Variants in SLC49A4 observed in about 807,000 individuals in gnomAD.
SLC49A4 encodes the protein solute carrier family 49 member 4.
A neutral mutation model predicts 50.6 loss-of-function variants in SLC49A4; 36 were observed. That is an observed-to-expected ratio of 0.71 (90% CI 0.55 to 0.94). The LOEUF is 0.94. SLC49A4 is among the 40% of genes least tolerant of loss of function. SLC49A4 has a pLI of 0.00. For synonymous variants in SLC49A4, 248 were observed against 241.2 expected, an observed-to-expected ratio of 1.03 and a Z score of -0.26; for missense variants, 503 against 605.7, an observed-to-expected ratio of 0.83 and a Z score of 1.78.
At chr3:122,874,133 T>C (rs184379073) in intron 8 of SLC49A4, among the ~76,000 whole-genome samples, 1 of 152,372 alleles carries the variant, frequency 6.6e-6, no homozygotes, top group East Asian at 1.9e-4. Flanking sequence ...AAACACATTT[T>C]TGTTGATCAG....
chr3:122,862,483 T>G (rs75436330), intron 7 of SLC49A4, among the ~76,000 whole-genome samples: 7,661 of 152,238 alleles, frequency 0.05, 262 homozygotes, highest in Middle Eastern at 0.11. Flanking sequence ...TACATTGGAG[T>G]TTTGAACAAT....
intron 2 of SLC49A4, among the ~76,000 whole-genome samples, chr3:122,824,550 G>GCTTCT (rs754358705): frequency 1.4e-4 from 22 of 151,914 alleles, no homozygotes; most frequent in East Asian, 1.4e-3. Context: ...GCTTCACTTT[G>GCTTCT]CTTCTCTTCT....
intron 2 of SLC49A4, among the ~76,000 whole-genome samples, chr3:122,810,649 T>C (rs1042630339): frequency 6.6e-6 from 1 of 152,256 alleles, no homozygotes; most frequent in Non-Finnish European, 1.5e-5. Flanking sequence ...TAGGTAAACA[T>C]GTGCAACACA....
intron 4 of SLC49A4, 110 bp downstream of exon 4, chr3:122,833,556 T>TTGC: frequency 1.1e-6 from 1 of 942,480 alleles, no homozygotes; most frequent in Non-Finnish European, 1.5e-6. Flanking sequence ...ATTAATTAGG[T>TTGC]TGTAAGTAAT....
chr3:122,850,891 C>T (rs556366224), intron 5 of SLC49A4, among the ~76,000 whole-genome samples: 12 of 152,198 alleles, frequency 7.9e-5, no homozygotes, highest in African/African-American at 2.9e-4. Context: ...TTATTTTGTT[C>T]AGCCCTGTCT....
chr3:122,848,522 A>G (rs1314669119), intron 5 of SLC49A4, among the ~76,000 whole-genome samples: 1 of 152,190 alleles, frequency 6.6e-6, no homozygotes, highest in Non-Finnish European at 1.5e-5. Flanking sequence ...AACCATGATC[A>G]TTATATTTCT....
intron 7 of SLC49A4, among the ~76,000 whole-genome samples, chr3:122,870,824 A>T (rs971426183): frequency 3.1e-5 from 4 of 130,066 alleles, no homozygotes; most frequent in African/African-American, 1.1e-4. Context: ...AACAATAATA[A>T]TAATAATAAT....
intron 1 of SLC49A4, among the ~76,000 whole-genome samples, chr3:122,805,436 A>G (rs565908141): frequency 3.2e-4 from 49 of 152,174 alleles, no homozygotes; most frequent in Admixed American, 1.2e-3. Flanking sequence ...TTGACTTTCA[A>G]TTTTCTTCAA....
chr3:122,854,262 CTTCATG>C (rs1403959551), intron 5 of SLC49A4, among the ~76,000 whole-genome samples: 1 of 152,194 alleles, frequency 6.6e-6, no homozygotes, highest in Non-Finnish European at 1.5e-5. Flanking sequence ...TCCTGAGAGC[CTTCATG>C]TTTGCTTCTG....
intron 2 of SLC49A4, among the ~76,000 whole-genome samples, chr3:122,816,301 C>T (rs768994619): frequency 2.0e-5 from 3 of 152,168 alleles, no homozygotes; most frequent in Non-Finnish European, 4.4e-5. Flanking sequence ...CTTAGCAGAG[C>T]TCTTGTCCCT....
intron 3 of SLC49A4, among the ~76,000 whole-genome samples, chr3:122,831,525 A>G (rs1344920057): frequency 1.3e-5 from 2 of 152,168 alleles, no homozygotes; most frequent in African/African-American, 2.4e-5. Context: ...AAAAGACCAC[A>G]TATTATATGA....
At chr3:122,795,563 G>T (rs1189248538) in intron 1 of SLC49A4, 28 bp downstream of exon 1, 1 of 1,568,482 alleles carries the variant, frequency 6.4e-7, no homozygotes, top group Non-Finnish European at 8.6e-7. Flanking sequence ...GCCAGCCCGC[G>T]CTGTCTCTCC....
In SLC49A4 at chr3:122,821,956, T is replaced by G. The variant is rs151195707; in HGVS notation, c.438-4844T>G. Among the ~76,000 whole-genome samples, 1,080 of 152,274 alleles carry G rather than the reference T, an allele frequency of 7.1e-3. 5 individuals are homozygous for G. Among genetic ancestry groups the G allele is most frequent in the African/African-American group, 0.022 (933 of 41,554 alleles). The stretch of plus-strand genomic sequence containing the variant: ...TGCATTTGGATAACTTTGTGAAGTT[T>G]TGGAAACACAGTTTAGTTGCATATT... On this transcript the variant is annotated intron_variant, in intron 2 of 8. Coordinates refer to ENST00000261038, the MANE Select transcript of SLC49A4 (RefSeq NM_032839.3).
chr3:122,825,947 C>A (rs554657551), intron 2 of SLC49A4, among the ~76,000 whole-genome samples: 3 of 152,140 alleles, frequency 2.0e-5, no homozygotes, highest in African/African-American at 7.2e-5. Flanking sequence ...AGCAAGAGAA[C>A]AAATGGAATG....
chr3:122,808,271 A>G lies in SLC49A4; in HGVS notation c.437+1321A>G, dbSNP rs768360609. Among the ~76,000 whole-genome samples, 11 of 152,360 alleles carry G rather than the reference A, an allele frequency of 7.2e-5. 1 individual carries two copies. Among genetic ancestry groups the G allele is most frequent in the South Asian group, 4.1e-4 (2 of 4,826 alleles). ...TTCATTCCACTCAGGGAAACCAGCA[A>G]TAAACTAGATAAATAAGTAAAATAC... On this transcript the variant is annotated intron_variant, in intron 2 of 8. Coordinates refer to ENST00000261038, the MANE Select transcript of SLC49A4 (RefSeq NM_032839.3).
rs150087697 is a variant in SLC49A4, at chr3:122,800,753, G to A, written c.343+5218G>A. 4.1e-3 allele frequency among the ~76,000 whole-genome samples: 624 copies of A among 152,206 alleles called. 4 individuals are homozygous for A. Among genetic ancestry groups the A allele is most frequent in the African/African-American group, 0.013 (541 of 41,502 alleles). ...AGTATACACATAAGGTGCAGATGGTGGATGATAAGAGCTTGTAGAAGTTAT... is the reference window on the plus strand; with the variant it reads ...AGTATACACATAAGGTGCAGATGGTAGATGATAAGAGCTTGTAGAAGTTAT... On this transcript the variant is annotated intron_variant, in intron 1 of 8. Coordinates refer to ENST00000261038, the MANE Select transcript of SLC49A4 (RefSeq NM_032839.3).
Position 122,826,836 on chromosome 3 carries a change from A to G in SLC49A4, c.474A>G (p.Ala158=). The G allele has an allele frequency of 6.2e-7, 1 of 1,614,186 alleles. No homozygotes were observed. Among genetic ancestry groups the G allele is most frequent in the Non-Finnish European group, 8.5e-7 (1 of 1,180,004 alleles). ...IHGGQMLNGL[A]GPTVMNAAPF... The stretch of plus-strand genomic sequence containing the variant: ...GAGGACAGATGTTAAATGGATTGGC[A>G]GGTCCAACTGTAATGAATGCAGCAC... Residue 158 remains alanine (A), a synonymous_variant, in exon 3 of 9, where the codon GCA becomes GCG. Coordinates refer to ENST00000261038, the MANE Select transcript of SLC49A4 (RefSeq NM_032839.3).
chr3:122,849,300 C>T (rs1346503459), intron 5 of SLC49A4, among the ~76,000 whole-genome samples: 1 of 152,082 alleles, frequency 6.6e-6, no homozygotes, highest in Non-Finnish European at 1.5e-5. Flanking sequence ...ATTTTATATA[C>T]TGATTTTTAT....
intron 1 of SLC49A4, among the ~76,000 whole-genome samples, chr3:122,801,944 G>A (rs1404916764): frequency 6.6e-6 from 1 of 152,212 alleles, no homozygotes; most frequent in African/African-American, 2.4e-5. Flanking sequence ...TTCTGGCCAT[G>A]ATGGAGTAAC....
Sources: allele counts gnomAD v4.1 joint callset (sites outside exome capture counted in the v4.1 genomes callset), GRCh38; gene constraint gnomAD v4.1.1; transcripts MANE v1.5; gene names NCBI Gene and HGNC (gene_info 2026-07-23, HGNC 2026-07-21).